Variants in AP1M2 observed in about 807,000 individuals in gnomAD.
The protein encoded by AP1M2 is adaptor related protein complex 1 subunit mu 2.
In AP1M2, 41 loss-of-function variants were observed where a neutral mutation model predicts 54.6. The observed-to-expected ratio is 0.75, with a 90% CI of 0.59 to 0.97. The LOEUF is 0.97. AP1M2 is among the 50% of genes least tolerant of loss of function. AP1M2 has a pLI of 0.00. For missense variants in AP1M2, 507 were observed against 561.2 expected (o/e 0.90, Z 0.98); for synonymous variants, 219 against 215.9 (o/e 1.01, Z -0.13).
intron 9 of AP1M2, among the ~76,000 whole-genome samples, chr19:10,576,205 C>T (rs1917229445): frequency 6.6e-6 from 1 of 150,606 alleles, no homozygotes; most frequent in Non-Finnish European, 1.5e-5. Context: ...GATTCTCCTG[C>T]CTCAGCCTCC....
intron 1 of AP1M2, 133 bp downstream of exon 1, chr19:10,587,057 T>G (rs1599556757): frequency 9.1e-6 from 9 of 993,886 alleles, no homozygotes; most frequent in African/African-American, 1.6e-5. Context: ...ATGCTGGAGG[T>G]GGGATTCCCA....
At chr19:10,583,565 A>G (rs748098990) in intron 3 of AP1M2, 41 bp downstream of exon 3, 5 of 1,474,496 alleles carry the variant, frequency 3.4e-6, no homozygotes, top group Non-Finnish European at 4.7e-6. Context: ...CAAGAGGGAT[A>G]GACGGATAGA....
chr19:10,579,713 C>CA lies in AP1M2; in HGVS notation c.816+2dup, dbSNP rs1568431644. The CA allele has an allele frequency of 6.2e-7, 1 of 1,611,936 alleles. No homozygotes were observed. ...ACCCAGATGGGGCTGGACCCTGCCT[C>CA]ACCTGGGTGCTGAGGCGGTATGACA... On this transcript the variant is annotated splice_region_variant and intron_variant, in intron 7 of 11. Transcript: ENST00000250244.
At chr19:10,585,328 A>AAAGAAAGAAAGAAAGAAAG (rs1917618293) in intron 1 of AP1M2, among the ~76,000 whole-genome samples, 2 of 140,458 alleles carry the variant, frequency 1.4e-5, no homozygotes, top group African/African-American at 2.5e-5. Flanking sequence ...AGAAAGAAAG[A>AAAGAAAGAAAGAAAGAAAG]AAGAAAGAAA....
intron 1 of AP1M2, 50 bp downstream of exon 1, chr19:10,587,140 G>A: frequency 6.5e-7 from 1 of 1,545,968 alleles, no homozygotes; most frequent in East Asian, 2.5e-5. Context: ...TGAATCCCTG[G>A]GAGCGAGACC....
At chr19:10,585,966 G>A (rs1247885691) in intron 1 of AP1M2, among the ~76,000 whole-genome samples, 1 of 151,794 alleles carries the variant, frequency 6.6e-6, no homozygotes. Flanking sequence ...GACTCCATCT[G>A]TACAAAAAAA....
At chr19:10,574,824 A>G (rs1433488134) in intron 10 of AP1M2, 80 bp downstream of exon 10, 3 of 1,483,866 alleles carry the variant, frequency 2.0e-6, no homozygotes, top group African/African-American at 2.8e-5. Flanking sequence ...CAGGGGACTG[A>G]GGTGACTCGA....
intron 7 of AP1M2, 149 bp downstream of exon 7, chr19:10,579,567 T>G (rs1042540252): frequency 1.2e-6 from 1 of 827,366 alleles, no homozygotes. Flanking sequence ...TTGGCCAGGC[T>G]GGTCTCGAAC....
rs527938104 is a variant in AP1M2 at position 10,580,387 on chromosome 19, C to T, written c.674-529G>A. Among the ~76,000 whole-genome samples, 71 of 151,628 alleles carry T rather than the reference C, an allele frequency of 4.7e-4. 2 individuals carry two copies. In the South Asian group the frequency reaches 0.013, roughly 27 times the overall value. On this transcript the variant is annotated intron_variant, in intron 6 of 11. Coordinates refer to ENST00000250244, the MANE Select transcript of AP1M2 (RefSeq NM_005498.5). ...TTTTAAATATGATGCTGAGGCCTGG[C>T]GTGGTGGCTCACGCCTGTAATCCCC...
At position 10,581,327 on chromosome 19, in the gene AP1M2, C is replaced by G. The variant is rs773621964; in HGVS notation, c.612G>C (p.Leu204=). The G allele has an allele frequency of 1.1e-5, 17 of 1,613,790 alleles. No homozygotes were observed. Among genetic ancestry groups the G allele is most frequent in the Middle Eastern group, 1.6e-4 (1 of 6,082 alleles). ...IVGTIKLKVF[L]SGMPELRLGL... Reference sequence around the variant, plus strand: ...CCAGCCGCAGCTCTGGCATTCCTGACAGAAACACCTTGAGCTTGATGGTAC... The same window carrying G: ...CCAGCCGCAGCTCTGGCATTCCTGAGAGAAACACCTTGAGCTTGATGGTAC... Residue 204 remains leucine, a synonymous_variant, in exon 6 of 12, where the codon CTG becomes CTC. Transcript: ENST00000250244.
chr19:10,574,606 G>C (rs969185940), intron 10 of AP1M2, 114 bp from the exon 11 acceptor site: 1 of 924,158 alleles, frequency 1.1e-6, no homozygotes, highest in Admixed American at 2.5e-5. Flanking sequence ...GGATCGATGA[G>C]GGGATATCAC....
Position 10,581,750 on chromosome 19 carries a change from C to T in AP1M2, c.396G>A (p.Gln132=), listed in dbSNP as rs367841075. 83 of 1,613,586 alleles carry T rather than the reference C, an allele frequency of 5.1e-5. No individual in the cohort carries two copies. The African/African-American group carries it at 7.3e-4, about 14-fold the overall frequency. Residue 132 remains glutamine (Q), a splice_region_variant and synonymous_variant, in exon 4 of 12, where the codon CAG becomes CAA. Coordinates refer to ENST00000250244, the MANE Select transcript of AP1M2 (RefSeq NM_005498.5). ...GCTGCCTCCAGGGGTCCACTCACTC[C>T]TGCAGGATCTTGCTGTCGGTGGTCT... ...FPQTTDSKIL[Q]EYITQQSNKL...
At chr19:10,574,566 T>C in intron 10 of AP1M2, 74 bp from the exon 11 acceptor site, 1 of 1,324,230 alleles carries the variant, frequency 7.6e-7, no homozygotes, top group Non-Finnish European at 1.0e-6. Flanking sequence ...AAGAGACGGC[T>C]TAGGCCAAGC....
In AP1M2 at chr19:10,585,331, G is replaced by GAAAGAA. The variant is rs1172022856; in HGVS notation, c.43-1267_43-1262dup. Among the ~76,000 whole-genome samples the GAAAGAA allele has an allele frequency of 3.3e-5, 5 of 151,136 alleles. No individual in the cohort carries two copies. The South Asian group carries it at 8.4e-4, about 25-fold the overall frequency. ...AGAAAGAAAGAAAGAAAGAAAGAAA[G>GAAAGAA]AAAGAAAGAAAGAAAGAAAGAAAGA... On this transcript the variant is annotated intron_variant, in intron 1 of 11. Coordinates refer to ENST00000250244, the MANE Select transcript of AP1M2 (RefSeq NM_005498.5).
intron 3 of AP1M2, among the ~76,000 whole-genome samples, chr19:10,582,498 C>T (rs1349535488): frequency 6.6e-6 from 1 of 151,456 alleles, no homozygotes; most frequent in Non-Finnish European, 1.5e-5. Context: ...TGCCTGTAAT[C>T]CCAACAATGG....
chr19:10,574,387 C>G, intron 11 of AP1M2, 30 bp downstream of exon 11: 1 of 1,524,704 alleles, frequency 6.6e-7, no homozygotes, highest in Non-Finnish European at 8.8e-7. Context: ...TTCCCTCACC[C>G]CATTGTCCCC....
chr19:10,584,025 T>G lies in AP1M2; in HGVS notation c.88A>C (p.Ile30Leu), dbSNP rs762798391. 1.2e-6 allele frequency: 2 copies of G among 1,610,918 alleles called. No individual in the cohort carries two copies. Among genetic ancestry groups the G allele is most frequent in the Admixed American group, 3.4e-5 (2 of 59,494 alleles). The stretch of plus-strand genomic sequence containing the variant: ...ACCAGCAAAGGCATGAAGTGCTCAA[T>G]CTTGCTCATGGCCACATCGCCCTTG... ...NYKGDVAMSK[I>L]EHFMPLLVQR... The change falls in exon 2 of 12, where the codon ATT becomes CTT. Residue 30 changes from isoleucine to leucine, a missense_variant. Ile to Leu is a conservative substitution (Grantham distance 5). Transcript: ENST00000250244.
rs368985410 is a variant in AP1M2, at chr19:10,577,183, G to C, written c.1047+15C>G. The C allele has an allele frequency of 7.8e-5, 124 of 1,598,258 alleles. No individual in the cohort carries two copies. The African/African-American group carries it at 1.2e-3, about 15-fold the overall frequency. Reference sequence around the variant, plus strand: ...CCCTCCACCCCCAGATCCCCCGCCAGTCCCTGGTACTTACCGGGAAAGACT... The same window carrying C: ...CCCTCCACCCCCAGATCCCCCGCCACTCCCTGGTACTTACCGGGAAAGACT... On this transcript the variant is annotated intron_variant, in intron 9 of 11. Coordinates refer to ENST00000250244, the MANE Select transcript of AP1M2 (RefSeq NM_005498.5).
chr19:10,574,607 G>A lies in AP1M2; in HGVS notation c.1174-115C>T, dbSNP rs1917164783. ...TGTGGCACAGGCTGGGATCGATGAG[G>A]GGATATCACATGGTCTTAGGGGGAT... On this transcript the variant is annotated intron_variant, in intron 10 of 11. Transcript: ENST00000250244. The A allele has an allele frequency of 6.5e-6, 6 of 916,838 alleles. No individual in the cohort carries two copies. The Admixed American group carries it at 7.5e-5, about 11-fold the overall frequency. The allele number at this position is 916,838 out of a possible 1,614,324, so 56.8% of individuals were successfully genotyped here. A position where few individuals can be genotyped will look rare whatever the true frequency, so the allele number is the denominator to read the frequency against.
Sources: allele counts gnomAD v4.1 joint callset (sites outside exome capture counted in the v4.1 genomes callset), GRCh38; gene constraint gnomAD v4.1.1; transcripts MANE v1.5; gene names NCBI Gene and HGNC (gene_info 2026-07-23, HGNC 2026-07-21).